Variants in GJA5 observed in about 807,000 individuals in gnomAD.
GJA5 encodes gap junction alpha-5 protein.
Under a neutral mutation model 7.9 loss-of-function variants are expected in GJA5, and 3 were observed. That is an observed-to-expected ratio of 0.38 (90% confidence interval 0.17 to 0.99). The LOEUF is 0.99. Among genes scored for constraint, GJA5 ranks in the 50% least tolerant of loss-of-function variants. The pLI is 0.38. For missense variants in GJA5, 390 were observed against 457.9 expected (o/e 0.85, Z 1.35); for synonymous variants, 193 against 181.0 (o/e 1.07, Z -0.53).
intron 1 of GJA5, among the ~76,000 whole-genome samples, chr1:147,768,491 G>A (rs1571079121): frequency 6.6e-6 from 1 of 152,150 alleles, no homozygotes; most frequent in African/African-American, 2.4e-5. Flanking sequence ...TTGCTCCAAG[G>A]GGGTAACTTA....
intron 1 of GJA5, among the ~76,000 whole-genome samples, chr1:147,771,391 C>T (rs1363890317): frequency 5.9e-5 from 9 of 152,202 alleles, no homozygotes; most frequent in Non-Finnish European, 1.2e-4. Context: ...GGGCAGGGTG[C>T]TCTCCCAACT....
Position 147,766,685 on chromosome 1 carries a change from T to C in GJA5, c.-34+6567A>G, listed in dbSNP as rs142406284. On this transcript the variant is annotated intron_variant, in intron 1 of 1. Coordinates refer to the GJA5 transcript ENST00000430508. ...CTTATCCAAGCTTGTCAAAATTAGA[T>C]GACAAGACCACTCCACAGAGTCTGA... is the stretch of plus-strand genomic sequence containing the variant. Among the ~76,000 whole-genome samples, 524 of 152,318 alleles carry C rather than the reference T, an allele frequency of 3.4e-3. 4 individuals are homozygous for C. The highest frequency in any genetic ancestry group is 0.017 in the Middle Eastern group (5 of 294).
chr1:147,761,073 A>C (rs1368716787), upstream of GJA5, among the ~76,000 whole-genome samples: 2 of 152,204 alleles, frequency 1.3e-5, no homozygotes, highest in African/African-American at 4.8e-5. Context: ...CAGAAATGTC[A>C]ACCAGTGCCC....
chr1:147,768,870 C>T (rs1284897770), intron 1 of GJA5, among the ~76,000 whole-genome samples: 6 of 152,220 alleles, frequency 3.9e-5, no homozygotes, highest in African/African-American at 1.4e-4. Context: ...ATCCAGCTAG[C>T]CTAACTCTAA....
chr1:147,762,433 C>T (rs1357563164), upstream of GJA5, among the ~76,000 whole-genome samples: 1 of 152,210 alleles, frequency 6.6e-6, no homozygotes, highest in East Asian at 1.9e-4. Flanking sequence ...TTGGTCTAGT[C>T]TGCCAAGAGG....
intron 1 of GJA5, among the ~76,000 whole-genome samples, chr1:147,768,542 A>G (rs1169882269): frequency 2.6e-5 from 4 of 152,212 alleles, no homozygotes; most frequent in Non-Finnish European, 5.9e-5. Context: ...TATAATACCC[A>G]CATTTCTTTA....
At chr1:147,764,239 A>T (rs1163268725), upstream of GJA5, among the ~76,000 whole-genome samples, 6 of 152,262 alleles carry the variant, frequency 3.9e-5, no homozygotes, top group East Asian at 1.2e-3. Context: ...CTACAGCAAA[A>T]TGGATAAGTC....
intron 1 of GJA5, 141 bp from the exon 2 acceptor site, chr1:147,759,412 C>A: frequency 1.7e-6 from 1 of 600,084 alleles, no homozygotes; most frequent in South Asian, 2.1e-5. Flanking sequence ...GTCAAAGCAA[C>A]CAACGAAAAG....
chr1:147,764,447 G>A (rs1553227827), upstream of GJA5, among the ~76,000 whole-genome samples: 2 of 152,150 alleles, frequency 1.3e-5, no homozygotes, highest in African/African-American at 4.8e-5. Context: ...CCCTTTATGT[G>A]CCTACCACTG....
At chr1:147,762,009 T>A (rs587632279), upstream of GJA5, among the ~76,000 whole-genome samples, 60 of 152,324 alleles carry the variant, frequency 3.9e-4, no homozygotes, top group African/African-American at 1.4e-3. Context: ...TCCACTTTCC[T>A]CACCTGCAAA....
intron 1 of GJA5, among the ~76,000 whole-genome samples, chr1:147,767,876 A>G (rs1664265963): frequency 6.6e-6 from 1 of 152,196 alleles, no homozygotes; most frequent in South Asian, 2.1e-4. Context: ...GGCCACTTTT[A>G]TATAAGATGA....
intron 1 of GJA5, among the ~76,000 whole-genome samples, chr1:147,759,497 G>C (rs1553227151): frequency 6.6e-6 from 1 of 152,192 alleles, no homozygotes. Context: ...ATTAGAGCAT[G>C]GCTCCCACAC....
upstream of GJA5, among the ~76,000 whole-genome samples, chr1:147,765,048 G>C (rs782007656): frequency 7.9e-5 from 12 of 152,066 alleles, no homozygotes; most frequent in Non-Finnish European, 1.5e-4. Flanking sequence ...GAGGTCCTAA[G>C]GAGGCTCAAG....
chr1:147,770,499 G>C (rs1454944439), intron 1 of GJA5, among the ~76,000 whole-genome samples: 1 of 152,144 alleles, frequency 6.6e-6, no homozygotes, highest in African/African-American at 2.4e-5. Flanking sequence ...GTCGTAGGAA[G>C]CCTTTCTATT....
intron 1 of GJA5, 102 bp from the exon 2 acceptor site, chr1:147,759,373 T>C (rs1481460663): frequency 2.0e-5 from 14 of 705,192 alleles, no homozygotes; most frequent in Non-Finnish European, 3.0e-5. Flanking sequence ...ATCCATCCAA[T>C]GGGTTCTTTA....
Position 147,758,525 on chromosome 1 carries a change from A to C in GJA5, c.714T>G (p.Phe238Leu), listed in dbSNP as rs782087350. Residue 238 changes from phenylalanine (F) to leucine (L), a missense_variant, in exon 2 of 2, where the codon TTT (phenylalanine) becomes TTG (leucine). Phe to Leu is a conservative substitution (Grantham distance 22). Transcript: ENST00000579774. ...HLGWKKIRQR[F>L]VKPRQHMAKC... ...TAGCCATGTGCTGCCGCGGTTTGAC[A>C]AATCGCTGTCTGATCTTCTTCCAGC... 2.5e-6 allele frequency: 4 copies of C among 1,613,972 alleles called. No homozygotes were observed. Among genetic ancestry groups the C allele is most frequent in the Middle Eastern group, 3.3e-4 (2 of 6,062 alleles).
chr1:147,770,007 G>T (rs1453115230), intron 1 of GJA5, among the ~76,000 whole-genome samples: 1 of 151,776 alleles, frequency 6.6e-6, no homozygotes, highest in Non-Finnish European at 1.5e-5. Context: ...ACAATGAGAG[G>T]TTTGAAGCAG....
intron 1 of GJA5, among the ~76,000 whole-genome samples, 200 bp from the exon 2 acceptor site, chr1:147,759,471 TA>T (rs1663902556): frequency 6.6e-6 from 1 of 152,214 alleles, no homozygotes. Context: ...AGATTCAAAG[TA>T]GCCATATTAG....
At chr1:147,772,351 A>G (rs187708353) in intron 1 of GJA5, among the ~76,000 whole-genome samples, 1 of 152,296 alleles carries the variant, frequency 6.6e-6, no homozygotes, top group Non-Finnish European at 1.5e-5. Flanking sequence ...TCCCTTTTTC[A>G]GTGGTTCTGA....
Sources: allele counts gnomAD v4.1 joint callset (sites outside exome capture counted in the v4.1 genomes callset), GRCh38; gene constraint gnomAD v4.1.1; transcripts MANE v1.5; gene names NCBI Gene and HGNC (gene_info 2026-07-23, HGNC 2026-07-21).